Variants in LRRC7 observed in about 807,000 individuals in gnomAD.
LRRC7 encodes leucine-rich repeat-containing protein 7.
LRRC7 carries 23 observed loss-of-function variants against 175.7 expected under a neutral mutation model. The ratio of observed to expected loss-of-function variants is 0.13; its 90% CI spans 0.09 to 0.19. LRRC7 has a LOEUF of 0.19. Among genes scored for constraint, LRRC7 ranks in the 10% least tolerant of loss-of-function variants. The probability of loss-of-function intolerance (pLI) is 1.00; values close to 1 mark genes in which losing one functional copy is unlikely to be tolerated. For missense variants in LRRC7, 1,354 were observed against 1,904.7 expected (o/e 0.71, Z 5.38); for synonymous variants, 685 against 680.9 (o/e 1.01, Z -0.09).
intron 1 of LRRC7, among the ~76,000 whole-genome samples, chr1:69,651,050 A>G (rs1251638607): frequency 1.3e-5 from 2 of 152,216 alleles, no homozygotes; most frequent in Non-Finnish European, 2.9e-5. Context: ...GTCTAGATTA[A>G]TGAAAATAAG....
intron 24 of LRRC7, among the ~76,000 whole-genome samples, chr1:70,085,129 A>C (rs1387110764): frequency 1.3e-5 from 2 of 152,130 alleles, no homozygotes; most frequent in Non-Finnish European, 2.9e-5. Context: ...TTTGAAGCAC[A>C]AAAGTTTTTA....
intron 8 of LRRC7, among the ~76,000 whole-genome samples, chr1:69,968,812 TG>T (rs1651921227): frequency 6.6e-6 from 1 of 151,464 alleles, no homozygotes; most frequent in African/African-American, 2.4e-5. Flanking sequence ...TTTTGTTTTT[TG>T]TTTTTTGTTT....
intron 8 of LRRC7, among the ~76,000 whole-genome samples, chr1:69,956,455 G>A (rs1401748619): frequency 6.6e-6 from 1 of 151,800 alleles, no homozygotes. Context: ...AGTTTTAACA[G>A]TAATAATGAG....
At chr1:69,993,486 C>T (rs138078652) in intron 10 of LRRC7, among the ~76,000 whole-genome samples, 2 of 152,218 alleles carry the variant, frequency 1.3e-5, no homozygotes, top group Non-Finnish European at 2.9e-5. Context: ...GCCAGTTTCT[C>T]AAAACATGTT....
Position 69,973,367 on chromosome 1 carries a change from T to G in LRRC7, c.712-7012T>G, listed in dbSNP as rs1482826976. Among the ~76,000 whole-genome samples the G allele has an allele frequency of 3.9e-5, 6 of 151,948 alleles. No individual in the cohort carries two copies. In the East Asian group the frequency reaches 9.7e-4, roughly 25 times the overall value. ...TGCTTGGGTGATGGGTGCACCAAAA[T>G]CTCACAAATCACCACTAAAGAACTT... On this transcript the variant is annotated intron_variant, in intron 8 of 26. Transcript: ENST00000651989.
chr1:69,648,091 C>A (rs1655259842), intron 1 of LRRC7, among the ~76,000 whole-genome samples: 1 of 151,840 alleles, frequency 6.6e-6, no homozygotes, highest in African/African-American at 2.4e-5. Context: ...AATGATTCAA[C>A]CAGAATACTA....
At chr1:69,952,359 T>G (rs969470989) in intron 8 of LRRC7, among the ~76,000 whole-genome samples, 9 of 152,098 alleles carry the variant, frequency 5.9e-5, no homozygotes, top group Non-Finnish European at 1.3e-4. Context: ...TAGACATATG[T>G]ATTTATTATA....
chr1:69,980,497 A>G (rs2101887899), intron 9 of LRRC7, 44 bp downstream of exon 9: 1 of 1,400,876 alleles, frequency 7.1e-7, no homozygotes, highest in African/African-American at 1.4e-5. Context: ...TATTTGTTAT[A>G]CGTTTGTTGT....
At chr1:70,090,830 G>A (rs1433119227) in intron 25 of LRRC7, among the ~76,000 whole-genome samples, 1 of 152,000 alleles carries the variant, frequency 6.6e-6, no homozygotes, top group Non-Finnish European at 1.5e-5. Context: ...AAAAACCTGG[G>A]ATGCCATTAC....
intron 1 of LRRC7, among the ~76,000 whole-genome samples, chr1:69,666,513 G>A (rs1358052983): frequency 2.0e-5 from 3 of 151,998 alleles, no homozygotes. Context: ...GTTCTGTTTA[G>A]ATTTTGGATT....
At chr1:69,744,490 GTTTTGTTCTCC>G (rs1669052392) in intron 2 of LRRC7, among the ~76,000 whole-genome samples, 1 of 151,846 alleles carries the variant, frequency 6.6e-6, no homozygotes, top group Non-Finnish European at 1.5e-5. Context: ...TCTGTAGCTT[GTTTTGTTCTCC>G]ATATATCTAG....
At chr1:69,656,387 AT>A (rs1380220009) in intron 1 of LRRC7, among the ~76,000 whole-genome samples, 2 of 151,972 alleles carry the variant, frequency 1.3e-5, no homozygotes, top group African/African-American at 4.8e-5. Context: ...CTGTATAATA[AT>A]TGTTAGCAAG....
intron 7 of LRRC7, chr1:69,879,746 C>G (rs1686409575): frequency 6.6e-6 from 1 of 152,220 alleles, no homozygotes; most frequent in Admixed American, 6.6e-5. Flanking sequence ...GGAGCGGGGA[C>G]CACTCGGTTT....
chr1:69,807,027 A>G (rs1441956064), intron 4 of LRRC7, among the ~76,000 whole-genome samples: 4 of 152,122 alleles, frequency 2.6e-5, no homozygotes, highest in Non-Finnish European at 5.9e-5. Flanking sequence ...TTCTTGTTGC[A>G]TTGATCCCTT....
At chr1:69,988,453 A>G (rs1654135876) in intron 10 of LRRC7, among the ~76,000 whole-genome samples, 1 of 152,232 alleles carries the variant, frequency 6.6e-6, no homozygotes, top group African/African-American at 2.4e-5. Flanking sequence ...TTGCTTAAGA[A>G]GAATGAACAT....
rs1293768193 is a variant in LRRC7, at chr1:70,127,477, C to T, written c.*5590C>T. ...TGGGATTTTAACCATGTGATTATGT[C>T]AACCTTCCCTAAGAACAGTTCTATG... On this transcript the variant is annotated 3_prime_UTR_variant, in exon 27 of 27. Coordinates refer to ENST00000651989, the MANE Select transcript of LRRC7 (RefSeq NM_001370785.2). 2.0e-5 allele frequency among the ~76,000 whole-genome samples: 3 copies of T among 152,280 alleles called. No individual in the cohort carries two copies. The highest frequency in any genetic ancestry group is 4.4e-5 in the Non-Finnish European group (3 of 68,020).
intron 1 of LRRC7, among the ~76,000 whole-genome samples, chr1:69,605,438 T>C (rs750645216): frequency 5.9e-5 from 9 of 152,206 alleles, no homozygotes; most frequent in Admixed American, 2.0e-4. Flanking sequence ...TGGATGATTC[T>C]ATTAAATACA....
At chr1:69,962,275 A>G (rs530113662) in intron 8 of LRRC7, among the ~76,000 whole-genome samples, 2 of 152,348 alleles carry the variant, frequency 1.3e-5, no homozygotes, top group South Asian at 2.1e-4. Flanking sequence ...CAAAACCACA[A>G]TGCAGTACCA....
chr1:69,660,820 G>A (rs915600726), intron 1 of LRRC7, among the ~76,000 whole-genome samples: 6 of 151,998 alleles, frequency 3.9e-5, no homozygotes, highest in Non-Finnish European at 8.8e-5. Flanking sequence ...AGTGTTGGAG[G>A]CAGTGCAGTG....
Sources: allele counts gnomAD v4.1 joint callset (sites outside exome capture counted in the v4.1 genomes callset), GRCh38; gene constraint gnomAD v4.1.1; transcripts MANE v1.5; gene names NCBI Gene and HGNC (gene_info 2026-07-23, HGNC 2026-07-21).